Variants in NAA60 observed in about 807,000 individuals in gnomAD.
NAA60 encodes N-alpha-acetyltransferase 60, NatF catalytic subunit.
NAA60 carries 8 observed loss-of-function variants against 26.1 expected under a neutral mutation model. That is an observed-to-expected ratio of 0.31 (90% CI 0.18 to 0.55). The LOEUF (loss-of-function observed/expected upper bound fraction) is 0.55. Ranked by LOEUF, NAA60 falls within the 20% of genes least tolerant of loss-of-function variation. The pLI is 0.93. For missense variants in NAA60, 290 were observed against 311.3 expected (o/e 0.93, Z 0.51); for synonymous variants, 131 against 122.5 (o/e 1.07, Z -0.46).
intron 3 of NAA60, among the ~76,000 whole-genome samples, chr16:3,477,574 GTGGATCA>G (rs370643853): frequency 6.9e-6 from 1 of 145,206 alleles, no homozygotes; most frequent in Admixed American, 8.4e-5. Context: ...GCCAAGGTGG[GTGGATCA>G]CCTGAGGTCA....
intron 5 of NAA60, chr16:3,482,818 C>T (rs1447618577): frequency 1.7e-6 from 1 of 588,098 alleles, no homozygotes; most frequent in Non-Finnish European, 3.1e-6. Flanking sequence ...TTTCCACATG[C>T]CCCCAGGCCT....
At chr16:3,480,625 A>G (rs1373857385) in intron 4 of NAA60, among the ~76,000 whole-genome samples, 1 of 149,032 alleles carries the variant, frequency 6.7e-6, no homozygotes, top group Non-Finnish European at 1.5e-5. Context: ...GAAGAAGAAA[A>G]GTTAGAGAAG....
chr16:3,462,668 T>C (rs2035486736), intron 2 of NAA60: 1 of 150,686 alleles, frequency 6.6e-6, no homozygotes, highest in African/African-American at 2.4e-5. Flanking sequence ...AGAAGACCCA[T>C]GGGCCCCCTT....
intron 4 of NAA60, among the ~76,000 whole-genome samples, chr16:3,480,790 C>T (rs1192073173): frequency 6.6e-6 from 1 of 152,102 alleles, no homozygotes; most frequent in African/African-American, 2.4e-5. Flanking sequence ...CCTTTAATCC[C>T]AGCTACTCAG....
chr16:3,452,653 CA>C (rs57798902), intron 2 of NAA60, among the ~76,000 whole-genome samples: 1,663 of 135,044 alleles, frequency 0.012, 26 homozygotes, highest in African/African-American at 0.038. Flanking sequence ...GACCCCGTCT[CA>C]AAAAAAAAAA....
intron 2 of NAA60, among the ~76,000 whole-genome samples, chr16:3,466,742 AAG>A (rs1245976080): frequency 6.6e-6 from 1 of 151,876 alleles, no homozygotes; most frequent in Non-Finnish European, 1.5e-5. Context: ...CTTTGAGAGG[AAG>A]AGGGGGAAGG....
chr16:3,477,892 C>T (rs1451990412), intron 3 of NAA60, among the ~76,000 whole-genome samples: 1 of 152,180 alleles, frequency 6.6e-6, no homozygotes, highest in Non-Finnish European at 1.5e-5. Context: ...GGTGAAACCC[C>T]GTCTCTACTA....
At chr16:3,457,110 C>G (rs1301193270) in intron 2 of NAA60, among the ~76,000 whole-genome samples, 2 of 152,056 alleles carry the variant, frequency 1.3e-5, no homozygotes, top group Non-Finnish European at 2.9e-5. Context: ...AATCTTATAA[C>G]CAGTTCTCTT....
At chr16:3,443,941 C>G (rs568625526) in intron 1 of NAA60, 104 bp downstream of exon 1, 2 of 1,417,286 alleles carry the variant, frequency 1.4e-6, no homozygotes, top group African/African-American at 1.4e-5. Flanking sequence ...TTGAGCTGTC[C>G]TTTGTGTCTT....
chr16:3,480,756 A>G (rs1013147022), intron 4 of NAA60, among the ~76,000 whole-genome samples: 6 of 152,122 alleles, frequency 3.9e-5, no homozygotes, highest in African/African-American at 1.2e-4. Flanking sequence ...TAAAAAATAA[A>G]TTAGCCAGGC....
rs2035050018 is a variant in NAA60, at chr16:3,457,433, G to A, written c.-7+8893G>A. Among the ~76,000 whole-genome samples the A allele has an allele frequency of 2.0e-5, 3 of 152,340 alleles. No individual in the cohort carries two copies. In the South Asian group the frequency reaches 6.2e-4, roughly 32 times the overall value. On this transcript the variant is annotated intron_variant, in intron 2 of 7. Transcript: ENST00000407558. ...ATTGCGCCCCAGGCTGGGAGACAGA[G>A]ACCCTGTCTCAACAACAAAAACTTC...
chr16:3,475,906 A>T (rs1187053574), intron 2 of NAA60, among the ~76,000 whole-genome samples: 1 of 152,244 alleles, frequency 6.6e-6, no homozygotes, highest in Non-Finnish European at 1.5e-5. Context: ...GACCACTGTC[A>T]TAAGATGTGA....
chr16:3,477,153 G>C lies in NAA60; in HGVS notation c.110+816G>C, dbSNP rs544531100. On this transcript the variant is annotated intron_variant, in intron 3 of 7. Transcript: ENST00000407558. ...ACAAGATAAAATTTTATAATGATAG[G>C]TATGAACTGAGCGGGGGTGAAAAAA... 8.5e-5 allele frequency among the ~76,000 whole-genome samples: 13 copies of C among 152,192 alleles called. No homozygotes were observed. In the South Asian group the frequency reaches 1.5e-3, roughly 17 times the overall value.
chr16:3,448,727 T>C, intron 2 of NAA60, 187 bp downstream of exon 2: 1 of 555,408 alleles, frequency 1.8e-6, no homozygotes, highest in Admixed American at 3.2e-5. Context: ...AATGAGTATA[T>C]TCTTACGTTA....
At chr16:3,456,358 G>A (rs11865117) in intron 2 of NAA60, among the ~76,000 whole-genome samples, 2,164 of 152,164 alleles carry the variant, frequency 0.014, 56 homozygotes, top group African/African-American at 0.046. Flanking sequence ...AGTTTTGCCT[G>A]TTTTTATGAT....
At chr16:3,473,063 T>A (rs143477749) in intron 2 of NAA60, among the ~76,000 whole-genome samples, 4 of 152,070 alleles carry the variant, frequency 2.6e-5, no homozygotes, top group Non-Finnish European at 4.4e-5. Context: ...TGAGTCAGAA[T>A]CTCACCACGT....
At chr16:3,454,729 C>T (rs889891045) in intron 2 of NAA60, among the ~76,000 whole-genome samples, 3 of 152,174 alleles carry the variant, frequency 2.0e-5, no homozygotes, top group Non-Finnish European at 2.9e-5. Context: ...ATCCCTGTGA[C>T]CGGCAGATGT....
At chr16:3,447,654 A>C (rs760980670) in intron 1 of NAA60, 37 of 985,028 alleles carry the variant, frequency 3.8e-5, no homozygotes, top group Non-Finnish European at 4.5e-5. Flanking sequence ...AACTTCAGCA[A>C]GAGGTTTTCT....
At chr16:3,448,320 C>T (rs1217975144) in intron 1 of NAA60, 151 bp from the exon 2 acceptor site, 6 of 448,978 alleles carry the variant, frequency 1.3e-5, no homozygotes, top group Admixed American at 4.0e-5. Context: ...GTTTAGAGAA[C>T]TACATGTTTA....
Sources: allele counts gnomAD v4.1 joint callset (sites outside exome capture counted in the v4.1 genomes callset), GRCh38; gene constraint gnomAD v4.1.1; transcripts MANE v1.5; gene names NCBI Gene and HGNC (gene_info 2026-07-23, HGNC 2026-07-21).